The following ECT2L variants were observed in gnomAD, a reference collection of about 807,000 sequenced individuals.
The protein encoded by ECT2L is epithelial cell-transforming sequence 2 oncogene-like.
A neutral mutation model predicts 122.8 loss-of-function variants in ECT2L; 126 were observed. The observed-to-expected ratio is 1.03, with a 90% CI of 0.89 to 1.19. The LOEUF (loss-of-function observed/expected upper bound fraction) is 1.19. Among genes scored for constraint, ECT2L ranks in the 50% most tolerant of loss-of-function variants. The probability of loss-of-function intolerance (pLI) is 0.00; values close to 1 mark genes in which losing one functional copy is unlikely to be tolerated. For synonymous variants in ECT2L, 385 were observed against 381.8 expected (o/e 1.01, Z -0.10); for missense variants, 1,012 against 1,064.1 (o/e 0.95, Z 0.68).
At chr6:138,827,663 C>T (rs1442470981) in intron 4 of ECT2L, among the ~76,000 whole-genome samples, 7 of 152,168 alleles carry the variant, frequency 4.6e-5, no homozygotes, top group African/African-American at 1.7e-4. Context: ...TTCAAGCAGT[C>T]CTCCTGCCTC....
intron 20 of ECT2L, among the ~76,000 whole-genome samples, chr6:138,893,181 TTTTG>T (rs1779092120): frequency 6.8e-6 from 1 of 146,346 alleles, no homozygotes; most frequent in Non-Finnish European, 1.5e-5. Flanking sequence ...TTTGTTTTTT[TTTTG>T]TTTTTTTTTG....
At chr6:138,851,435 C>T (rs1245702354) in intron 9 of ECT2L, among the ~76,000 whole-genome samples, 2 of 151,238 alleles carry the variant, frequency 1.3e-5, no homozygotes, top group African/African-American at 4.9e-5. Context: ...CCTTCCACCT[C>T]AGCCCCTAAT....
intron 10 of ECT2L, among the ~76,000 whole-genome samples, chr6:138,859,810 C>CT (rs36087999): frequency 0.24 from 35,629 of 145,784 alleles, 4,537 homozygotes; most frequent in African/African-American, 0.29. Context: ...AAGCACAGTT[C>CT]TTTTTTTTTT....
chr6:138,798,776 G>C (rs9495256), intron 1 of ECT2L, among the ~76,000 whole-genome samples: 115,266 of 152,114 alleles, frequency 0.76, 44,234 homozygotes, highest in East Asian at 0.9. Flanking sequence ...ATATTTGAAT[G>C]CTTGTGGGTG....
Position 138,902,005 on chromosome 6 carries a change from T to C in ECT2L, c.2588-495T>C, listed in dbSNP as rs1403746384. On this transcript the variant is annotated intron_variant, in intron 21 of 21. Coordinates refer to ENST00000541398, the MANE Select transcript of ECT2L (RefSeq NM_001077706.3). ...AACTATCATCACTGGGTATGGTTAG[T>C]GTATGAAACATGTCTCCTTCAGTTC... Among the ~76,000 whole-genome samples, 3 of 152,250 alleles carry C rather than the reference T, an allele frequency of 2.0e-5. No individual in the cohort carries two copies. The East Asian group carries it at 5.8e-4, about 29-fold the overall frequency.
intron 4 of ECT2L, among the ~76,000 whole-genome samples, chr6:138,820,503 G>C (rs996237676): frequency 1.3e-5 from 2 of 151,968 alleles, no homozygotes; most frequent in Non-Finnish European, 2.9e-5. Flanking sequence ...TTGATTCCTT[G>C]AATTTGCTAA....
intron 4 of ECT2L, chr6:138,822,614 G>T (rs1322207049): frequency 1.5e-6 from 1 of 681,144 alleles, no homozygotes; most frequent in Non-Finnish European, 2.5e-6. Context: ...AAAGGACTGG[G>T]TCAGCAAGAA....
chr6:138,867,642 T>C (rs1291029432), intron 12 of ECT2L, among the ~76,000 whole-genome samples: 3 of 129,288 alleles, frequency 2.3e-5, no homozygotes, highest in African/African-American at 9.1e-5. Context: ...AAACCCGGTC[T>C]CTCCTAAAAC....
chr6:138,812,659 G>T (rs62440909), intron 1 of ECT2L, among the ~76,000 whole-genome samples, 179 bp from the exon 2 acceptor site: 18,642 of 152,016 alleles, frequency 0.12, 1,599 homozygotes, highest in East Asian at 0.26. Flanking sequence ...ACAAAAATTA[G>T]CCAGGCATGG....
chr6:138,881,260 A>G, intron 15 of ECT2L, 89 bp downstream of exon 15: 1 of 1,307,248 alleles, frequency 7.6e-7, no homozygotes, highest in African/African-American at 1.5e-5. Context: ...ATGGAGGTGC[A>G]ATGATGCTCT....
chr6:138,886,781 A>T (rs1778836374), intron 18 of ECT2L, 76 bp from the exon 19 acceptor site: 1 of 1,067,430 alleles, frequency 9.4e-7, no homozygotes, highest in East Asian at 2.6e-5. Flanking sequence ...AGCGCCATAA[A>T]ATATTTTAAT....
intron 4 of ECT2L, among the ~76,000 whole-genome samples, chr6:138,824,958 T>C (rs887896046): frequency 1.3e-5 from 2 of 152,226 alleles, no homozygotes; most frequent in African/African-American, 2.4e-5. Context: ...CAAACTGCAA[T>C]TAGGCAGCAA....
intron 19 of ECT2L, among the ~76,000 whole-genome samples, chr6:138,888,400 T>C (rs1778903328): frequency 6.8e-6 from 1 of 146,858 alleles, no homozygotes; most frequent in Non-Finnish European, 1.5e-5. Flanking sequence ...CACTGCAACC[T>C]CTGCCTCCAG....
At chr6:138,868,624 T>C (rs1419624139) in intron 13 of ECT2L, among the ~76,000 whole-genome samples, 1 of 151,928 alleles carries the variant, frequency 6.6e-6, no homozygotes. Flanking sequence ...AGGGGCTAGA[T>C]GAGAGAGGAA....
chr6:138,890,492 C>CTTTTTTTTTTTTTTTT lies in ECT2L; in HGVS notation c.2414+1474_2414+1489dup, dbSNP rs552594959. 1.6e-3 allele frequency among the ~76,000 whole-genome samples: 125 copies of CTTTTTTTTTTTTTTTT among 78,972 alleles called. 6 individuals are homozygous for CTTTTTTTTTTTTTTTT. Among genetic ancestry groups the CTTTTTTTTTTTTTTTT allele is most frequent in the East Asian group, 9.0e-3 (14 of 1,560 alleles). 51.8% of individuals were successfully genotyped at this position (78,972 alleles called of 152,430 possible). The stretch of plus-strand genomic sequence containing the variant: ...TCATGACATTTTTGTTTTCTTTGAT[C>CTTTTTTTTTTTTTTTT]TTTTTTTTTTTTTTTTTTTTTTTTT... On this transcript the variant is annotated intron_variant, in intron 20 of 21. Coordinates refer to ENST00000541398, the MANE Select transcript of ECT2L (RefSeq NM_001077706.3).
chr6:138,838,514 G>C lies in ECT2L; in HGVS notation c.342G>C (p.Gln114His), dbSNP rs1776925484. Residue 114 changes from glutamine (Q) to histidine (H), a missense_variant and splice_region_variant, in exon 5 of 22, where the codon CAG (glutamine) becomes CAC (histidine). Transcript: ENST00000541398. ...GGCCCTGGAAGTTTTTAACTGAACA[G>C]GTTTACTATTTGCCACTTCCTAGTA... ...VSWPWKFLTEQDCLWMPKCVK... is the reference protein window; with the variant it reads ...VSWPWKFLTEHDCLWMPKCVK... The C allele has an allele frequency of 1.2e-6, 2 of 1,608,930 alleles. No homozygotes were observed. The highest frequency in any genetic ancestry group is 3.4e-5 in the Admixed American group (2 of 58,752).
chr6:138,889,785 G>GA (rs1231097640), intron 20 of ECT2L, among the ~76,000 whole-genome samples: 1 of 151,696 alleles, frequency 6.6e-6, no homozygotes, highest in South Asian at 2.1e-4. Flanking sequence ...AGTAGTGTAA[G>GA]AAAAAAAAGA....
intron 1 of ECT2L, among the ~76,000 whole-genome samples, chr6:138,802,914 G>A (rs1775591682): frequency 6.6e-6 from 1 of 151,638 alleles, no homozygotes; most frequent in African/African-American, 2.4e-5. Context: ...CATCTCTACT[G>A]AAAATACAAA....
chr6:138,854,300 T>C, intron 10 of ECT2L, 146 bp downstream of exon 10: 2 of 1,038,278 alleles, frequency 1.9e-6, no homozygotes, highest in Admixed American at 5.1e-5. Flanking sequence ...CATATCCAGG[T>C]ATTTCAAGAA....
Sources: allele counts gnomAD v4.1 joint callset (sites outside exome capture counted in the v4.1 genomes callset), GRCh38; gene constraint gnomAD v4.1.1; transcripts MANE v1.5; gene names NCBI Gene and HGNC (gene_info 2026-07-23, HGNC 2026-07-21).